The following ANO10 variants were observed in gnomAD, a reference collection of about 807,000 sequenced individuals.
ANO10 encodes the protein anoctamin-10.
A neutral mutation model predicts 74.7 loss-of-function variants in ANO10; 77 were observed. The ratio of observed to expected loss-of-function variants is 1.03; its 90% CI spans 0.86 to 1.25. The LOEUF (loss-of-function observed/expected upper bound fraction) is 1.25, where lower values mean the gene tolerates loss of function less well. Ranked by LOEUF, ANO10 falls within the 50% of genes most tolerant of loss-of-function variation. The probability of loss-of-function intolerance (pLI) is 0.00; values close to 1 mark genes in which losing one functional copy is unlikely to be tolerated. For missense variants in ANO10, 721 were observed against 778.1 expected, an observed-to-expected ratio of 0.93 and a Z score of 0.87; for synonymous variants, 279 against 284.9, an observed-to-expected ratio of 0.98 and a Z score of 0.21.
At chr3:43,659,695 C>T (rs1019329512) in intron 1 of ANO10, among the ~76,000 whole-genome samples, 1 of 152,196 alleles carries the variant, frequency 6.6e-6, no homozygotes, top group Admixed American at 6.5e-5. Context: ...ACTTAAACGC[C>T]CCTGCCTGAC....
At chr3:43,598,008 T>C (rs1427915594) in intron 4 of ANO10, among the ~76,000 whole-genome samples, 1 of 152,076 alleles carries the variant, frequency 6.6e-6, no homozygotes, top group Non-Finnish European at 1.5e-5. Flanking sequence ...GCAGCAAAAA[T>C]GTTCTGAAGC....
intron 11 of ANO10, among the ~76,000 whole-genome samples, chr3:43,512,523 C>T (rs564603819): frequency 4.6e-5 from 7 of 152,038 alleles, no homozygotes; most frequent in Non-Finnish European, 8.8e-5. Context: ...TGGGCCACAA[C>T]GCTAGCAGTA....
At chr3:43,488,523 AC>A (rs1244587773) in intron 11 of ANO10, among the ~76,000 whole-genome samples, 2 of 152,208 alleles carry the variant, frequency 1.3e-5, no homozygotes, top group African/African-American at 2.4e-5. Context: ...ATGAACAGAT[AC>A]TTCTCAAAAG....
intron 11 of ANO10, among the ~76,000 whole-genome samples, chr3:43,486,867 T>A (rs1031246694): frequency 6.8e-6 from 1 of 147,180 alleles, no homozygotes; most frequent in Admixed American, 6.8e-5. Context: ...AGAGAGGGCA[T>A]CCCTGTCTTG....
At chr3:43,587,695 G>A (rs998211287) in intron 4 of ANO10, among the ~76,000 whole-genome samples, 2 of 152,120 alleles carry the variant, frequency 1.3e-5, no homozygotes, top group African/African-American at 4.8e-5. Flanking sequence ...ACATGATTAA[G>A]AGTCCTACTG....
chr3:43,601,309 G>T (rs985592800), intron 2 of ANO10, among the ~76,000 whole-genome samples: 1 of 152,148 alleles, frequency 6.6e-6, no homozygotes, highest in African/African-American at 2.4e-5. Context: ...AGGTTCAGGA[G>T]ATCCTCCCAC....
chr3:43,555,195 G>T (rs2079678340), intron 10 of ANO10, 83 bp downstream of exon 10: 1 of 1,388,170 alleles, frequency 7.2e-7, no homozygotes, highest in Non-Finnish European at 1.0e-6. Flanking sequence ...TCTCTGTAGG[G>T]CTTACTTTTT....
At chr3:43,553,070 A>C (rs2079558904) in intron 10 of ANO10, among the ~76,000 whole-genome samples, 1 of 152,200 alleles carries the variant, frequency 6.6e-6, no homozygotes, top group African/African-American at 2.4e-5. Context: ...CTGGGATTAC[A>C]GGCATGAGCC....
rs150341578 is a variant in ANO10, at chr3:43,516,145, C to A, written c.1797+33575G>T. 3.6e-3 allele frequency among the ~76,000 whole-genome samples: 544 copies of A among 152,272 alleles called. 5 individuals are homozygous for A. Among genetic ancestry groups the A allele is most frequent in the African/African-American group, 0.012 (492 of 41,550 alleles). ...CTCTGAATACAGCATGGATCCTGCT[C>A]TCAAAGAACTGATCAACTAGGGGAG... is the stretch of plus-strand genomic sequence containing the variant. On this transcript the variant is annotated intron_variant, in intron 11 of 12. Coordinates refer to ENST00000292246, the MANE Select transcript of ANO10 (RefSeq NM_018075.5).
chr3:43,490,648 G>A (rs2076683423), intron 11 of ANO10, among the ~76,000 whole-genome samples: 1 of 152,210 alleles, frequency 6.6e-6, no homozygotes, highest in Non-Finnish European at 1.5e-5. Context: ...TAATACCAAA[G>A]TATGACAAAG....
intron 1 of ANO10, among the ~76,000 whole-genome samples, chr3:43,607,513 G>A (rs1269600397): frequency 6.6e-6 from 1 of 152,084 alleles, no homozygotes; most frequent in Non-Finnish European, 1.5e-5. Context: ...AATTAGTAGA[G>A]AACCCACCAA....
intron 10 of ANO10, among the ~76,000 whole-genome samples, chr3:43,552,577 T>C (rs1231615487): frequency 1.3e-5 from 2 of 151,544 alleles, no homozygotes; most frequent in African/African-American, 4.8e-5. Flanking sequence ...AATTCCTTAG[T>C]TAAGAGAACT....
At chr3:43,435,429 C>T (rs570097522) in intron 11 of ANO10, among the ~76,000 whole-genome samples, 3 of 151,000 alleles carry the variant, frequency 2.0e-5, no homozygotes, top group Admixed American at 1.3e-4. Context: ...GAATTGCTTG[C>T]ACTTGGAAGG....
chr3:43,414,814 T>C (rs1362901476), intron 12 of ANO10, among the ~76,000 whole-genome samples: 1 of 152,146 alleles, frequency 6.6e-6, no homozygotes, highest in East Asian at 1.9e-4. Context: ...AATTTCTTTG[T>C]TACACTCAAT....
chr3:43,665,318 G>C (rs906664168), intron 1 of ANO10, among the ~76,000 whole-genome samples: 1 of 152,082 alleles, frequency 6.6e-6, no homozygotes, highest in African/African-American at 2.4e-5. Flanking sequence ...AGGGGGAGTT[G>C]AACAATGAGA....
intron 12 of ANO10, among the ~76,000 whole-genome samples, chr3:43,406,921 T>G (rs1481103548): frequency 6.7e-6 from 1 of 148,530 alleles, no homozygotes; most frequent in Non-Finnish European, 1.5e-5. Flanking sequence ...TTTTTTTTTT[T>G]GAGAGGGAAT....
intron 1 of ANO10, among the ~76,000 whole-genome samples, chr3:43,668,320 T>C (rs1263542146): frequency 2.6e-5 from 4 of 152,172 alleles, no homozygotes; most frequent in African/African-American, 9.7e-5. Flanking sequence ...TTGTAGATTC[T>C]GGATATTAGT....
At chr3:43,636,935 G>A (rs890300150) in intron 1 of ANO10, among the ~76,000 whole-genome samples, 2 of 152,190 alleles carry the variant, frequency 1.3e-5, no homozygotes, top group African/African-American at 2.4e-5. Flanking sequence ...AGGCCAAGGC[G>A]AGTGGATCCT....
chr3:43,444,022 GA>G (rs1025230235), intron 11 of ANO10, among the ~76,000 whole-genome samples: 1 of 152,120 alleles, frequency 6.6e-6, no homozygotes, highest in African/African-American at 2.4e-5. Flanking sequence ...GTGATTGGGG[GA>G]AATATCAATT....
Sources: allele counts gnomAD v4.1 joint callset (sites outside exome capture counted in the v4.1 genomes callset), GRCh38; gene constraint gnomAD v4.1.1; transcripts MANE v1.5; gene names NCBI Gene and HGNC (gene_info 2026-07-23, HGNC 2026-07-21).